The following SI variants were observed in gnomAD, a reference collection of about 807,000 sequenced individuals.
SI encodes the protein sucrase-isomaltase, intestinal.
Under a neutral mutation model 253.3 loss-of-function variants are expected in SI, and 235 were observed. The ratio of observed to expected loss-of-function variants is 0.93; its 90% CI spans 0.83 to 1.03. The LOEUF (loss-of-function observed/expected upper bound fraction) is 1.03, where lower values mean the gene tolerates loss of function less well. Among genes scored for constraint, SI ranks in the 50% least tolerant of loss-of-function variants. The pLI is 0.00. For missense variants in SI, 2,442 were observed against 2,211.1 expected (o/e 1.10, Z -2.09); for synonymous variants, 819 against 712.0 (o/e 1.15, Z -2.39).
intron 33 of SI, among the ~76,000 whole-genome samples, chr3:165,013,999 T>C (rs1718901051): frequency 6.6e-6 from 1 of 152,136 alleles, no homozygotes; most frequent in Non-Finnish European, 1.5e-5. Flanking sequence ...ACTGCAAGCA[T>C]TACATGCATG....
chr3:165,076,951 A>C (rs1715022327), intron 1 of SI, among the ~76,000 whole-genome samples: 1 of 150,874 alleles, frequency 6.6e-6, no homozygotes, highest in African/African-American at 2.4e-5. Flanking sequence ...GTGCTTTAAT[A>C]AATTATTGGG....
intron 26 of SI, among the ~76,000 whole-genome samples, chr3:165,022,923 AAT>A (rs1317642984): frequency 1.3e-5 from 2 of 151,550 alleles, no homozygotes; most frequent in African/African-American, 2.4e-5. Flanking sequence ...GAACATTTTT[AAT>A]AGTTTTTCTC....
At chr3:165,035,525 A>G (rs1486834479) in intron 22 of SI, among the ~76,000 whole-genome samples, 1 of 151,620 alleles carries the variant, frequency 6.6e-6, no homozygotes, top group Non-Finnish European at 1.5e-5. Flanking sequence ...CACATTTTCA[A>G]AAATAAATAA....
At chr3:164,996,963 A>G (rs1718040347) in intron 38 of SI, among the ~76,000 whole-genome samples, 191 bp from the exon 39 acceptor site, 1 of 151,760 alleles carries the variant, frequency 6.6e-6, no homozygotes, top group African/African-American at 2.4e-5. Flanking sequence ...TGTAGCATTT[A>G]TGATATTTAC....
chr3:165,012,933 A>T, intron 34 of SI, 47 bp downstream of exon 34: 1 of 1,153,094 alleles, frequency 8.7e-7, no homozygotes, highest in South Asian at 1.2e-5. Context: ...ATCAAGTCTA[A>T]GTTTTGAATT....
chr3:165,063,427 A>G lies in SI; in HGVS notation c.907+15T>C, dbSNP rs776161323. On this transcript the variant is annotated intron_variant, in intron 8 of 47. Transcript: ENST00000264382. ...GTGAAATCTATAAATATATTATCAA[A>G]TGAATTATTCTTACCCATTGCATTG... The G allele has an allele frequency of 6.2e-6, 7 of 1,134,632 alleles. No individual in the cohort carries two copies. Among genetic ancestry groups the G allele is most frequent in the South Asian group, 5.1e-5 (4 of 78,610 alleles). The allele number at this position is 1,134,632 out of a possible 1,614,324, so 70.3% of individuals were successfully genotyped here. A position where few individuals can be genotyped will look rare whatever the true frequency, so the allele number is the denominator to read the frequency against.
chr3:165,058,895 C>T, intron 12 of SI, 68 bp downstream of exon 12: 1 of 1,391,234 alleles, frequency 7.2e-7, no homozygotes, highest in African/African-American at 1.4e-5. Flanking sequence ...CACGCACATC[C>T]ACAGAAACTT....
intron 34 of SI, among the ~76,000 whole-genome samples, chr3:165,010,560 T>C (rs1463769354): frequency 2.0e-5 from 3 of 152,206 alleles, no homozygotes; most frequent in African/African-American, 7.2e-5. Context: ...TGGGATTATA[T>C]TGAATATTTT....
chr3:165,006,787 CAG>C, intron 37 of SI, 27 bp downstream of exon 37: 1 of 1,594,448 alleles, frequency 6.3e-7, no homozygotes, highest in Non-Finnish European at 8.6e-7. Context: ...ATAAAAGAGT[CAG>C]AGAGGATAAT....
At chr3:165,076,960 G>T (rs572123964) in intron 1 of SI, among the ~76,000 whole-genome samples, 4 of 149,140 alleles carry the variant, frequency 2.7e-5, no homozygotes, top group Non-Finnish European at 5.9e-5. Flanking sequence ...TAAATTATTG[G>T]GTTTAAAATC....
At chr3:165,002,183 C>A (rs1012029383) in intron 37 of SI, among the ~76,000 whole-genome samples, 13 of 151,352 alleles carry the variant, frequency 8.6e-5, no homozygotes, top group Admixed American at 8.6e-4. Context: ...AATATTTGTC[C>A]GAAATTTGAA....
At chr3:165,053,186 A>T (rs932441456) in intron 13 of SI, among the ~76,000 whole-genome samples, 13 of 151,900 alleles carry the variant, frequency 8.6e-5, no homozygotes, top group Non-Finnish European at 1.3e-4. Flanking sequence ...GTAAAAAAAG[A>T]GAATTCAAAT....
At chr3:165,067,574 C>T (rs1019217064) in intron 5 of SI, 83 bp from the exon 6 acceptor site, 7 of 1,222,784 alleles carry the variant, frequency 5.7e-6, no homozygotes, top group East Asian at 2.3e-5. Context: ...AATGCAAGTT[C>T]CAAATAAAAA....
intron 37 of SI, among the ~76,000 whole-genome samples, chr3:165,002,492 A>ATAGC (rs1718301235): frequency 1.3e-5 from 2 of 151,806 alleles, no homozygotes; most frequent in African/African-American, 4.8e-5. Flanking sequence ...GTAGCAAGAA[A>ATAGC]TAGCTAAATG....
intron 15 of SI, among the ~76,000 whole-genome samples, chr3:165,048,123 G>A (rs115288502): frequency 1.6e-3 from 239 of 151,870 alleles, no homozygotes; most frequent in African/African-American, 5.4e-3. Context: ...TAAGAGTTCT[G>A]GTATCAGTAT....
At chr3:165,086,185 C>T in the SI span, among the ~76,000 whole-genome samples, 1 of 151,982 alleles carries the variant, frequency 6.6e-6, no homozygotes, top group East Asian at 1.9e-4. Flanking sequence ...ACCCAGGAAG[C>T]AGAGGTTGCA....
chr3:165,039,807 T>C, intron 19 of SI, 80 bp downstream of exon 19: 1 of 949,742 alleles, frequency 1.1e-6, no homozygotes, highest in Admixed American at 1.7e-5. Context: ...TAACATCTAT[T>C]ATTCAGATGT....
Position 165,012,988 on chromosome 3 carries a change from C to T in SI, c.4054G>A (p.Ala1352Thr), listed in dbSNP as rs1718839344. Residue 1352 changes from alanine to threonine, a missense_variant, in exon 34 of 48, where the codon GCT (alanine) becomes ACT (threonine). Physicochemically the swap from Ala to Thr is moderately conservative, Grantham distance 58. Transcript: ENST00000264382. The part of the protein sequence containing the change: ...TIDKTLTEDE[A>T]VNASRAHVAF... ...GCCCGTGTAAAACTTACATTAACAG[C>T]TTCATCTTCCGTTAGAGTTTTATCT... is the stretch of plus-strand genomic sequence containing the variant. The T allele has an allele frequency of 6.2e-7, 1 of 1,603,424 alleles. No individual in the cohort carries two copies. Among genetic ancestry groups the T allele is most frequent in the Non-Finnish European group, 8.5e-7 (1 of 1,170,546 alleles).
At chr3:165,044,591 C>T (rs1447822945) in intron 16 of SI, among the ~76,000 whole-genome samples, 1 of 151,874 alleles carries the variant, frequency 6.6e-6, no homozygotes. Flanking sequence ...ATATCTTTTA[C>T]TTATTTTTCT....
Sources: gnomAD v4.1 joint callset for allele counts (sites outside exome capture counted in the v4.1 genomes callset) on GRCh38, gnomAD v4.1.1 for gene constraint, MANE v1.5 for transcripts, NCBI Gene and HGNC (gene_info 2026-07-23, HGNC 2026-07-21) for gene names.